The following MAP6 variants were observed in gnomAD, a reference collection of about 807,000 sequenced individuals.
The protein encoded by MAP6 is microtubule-associated protein 6.
In MAP6, 26 loss-of-function variants were observed where a neutral mutation model predicts 42.4. The observed-to-expected ratio is 0.61, with a 90% CI of 0.45 to 0.85. The LOEUF (loss-of-function observed/expected upper bound fraction) is 0.85, where lower values mean the gene tolerates loss of function less well. MAP6 is among the 40% of genes least tolerant of loss of function. MAP6 has a pLI of 0.00. For synonymous variants in MAP6, 418 were observed against 443.8 expected (o/e 0.94, Z 0.73); for missense variants, 966 against 1,099.0 (o/e 0.88, Z 1.71).
At chr11:75,598,690 C>G (rs144814010) in intron 3 of MAP6, among the ~76,000 whole-genome samples, 139 of 152,374 alleles carry the variant, frequency 9.1e-4, no homozygotes, top group African/African-American at 3.3e-3. Flanking sequence ...TTCACTCACT[C>G]ATTTTTCATT....
chr11:75,596,016 G>C (rs1942573139), intron 3 of MAP6: 1 of 152,188 alleles, frequency 6.6e-6, no homozygotes, highest in Admixed American at 6.5e-5. Flanking sequence ...GCTCATACAA[G>C]ATCAAATTCT....
At chr11:75,631,825 G>A (rs1252711332) in intron 1 of MAP6, among the ~76,000 whole-genome samples, 1 of 152,162 alleles carries the variant, frequency 6.6e-6, no homozygotes, top group African/African-American at 2.4e-5. Context: ...ATAGGCACTG[G>A]GTGTACAAAT....
At chr11:75,627,462 G>T (rs550195864) in intron 1 of MAP6, among the ~76,000 whole-genome samples, 1 of 152,210 alleles carries the variant, frequency 6.6e-6, no homozygotes, top group African/African-American at 2.4e-5. Context: ...TTGCACGTAC[G>T]TCCATGTCTG....
At chr11:75,618,910 G>A (rs925599780) in intron 1 of MAP6, among the ~76,000 whole-genome samples, 9 of 152,194 alleles carry the variant, frequency 5.9e-5, no homozygotes, top group South Asian at 4.1e-4. Flanking sequence ...TGCCCGATTC[G>A]TGAGCCTTCT....
chr11:75,661,641 A>G (rs1565283160), intron 1 of MAP6, among the ~76,000 whole-genome samples: 2 of 152,112 alleles, frequency 1.3e-5, no homozygotes, highest in South Asian at 4.1e-4. Flanking sequence ...CAACAGCCAA[A>G]CTAATTTTTA....
chr11:75,648,129 C>G (rs1394536509), intron 1 of MAP6, among the ~76,000 whole-genome samples: 5 of 152,336 alleles, frequency 3.3e-5, no homozygotes, highest in African/African-American at 7.2e-5. Context: ...AAATTGTACT[C>G]TATCTCACAC....
chr11:75,642,263 C>G (rs1943483989), intron 1 of MAP6, among the ~76,000 whole-genome samples: 1 of 152,148 alleles, frequency 6.6e-6, no homozygotes, highest in South Asian at 2.1e-4. Context: ...CCCTGGAAAT[C>G]AGCAAATGTT....
chr11:75,627,159 G>C (rs539944087), intron 1 of MAP6, among the ~76,000 whole-genome samples: 1 of 152,334 alleles, frequency 6.6e-6, no homozygotes, highest in East Asian at 1.9e-4. Flanking sequence ...TCATCTTCAT[G>C]CTTGTAATCA....
intron 3 of MAP6, among the ~76,000 whole-genome samples, chr11:75,601,444 G>T (rs780823075): frequency 1.8e-4 from 28 of 151,990 alleles, no homozygotes; most frequent in Non-Finnish European, 7.4e-5. Context: ...TAGACAGGTG[G>T]GTGGGATGTT....
In MAP6 at chr11:75,608,145, G is replaced by A. The variant is rs1464660467; in HGVS notation, c.1083C>T (p.Arg361=). ...CCTTGAAGGGTTCGCTGTAGAGGCTGCGTATTCTTCTGCGATCAATGACCT... is the reference window on the plus strand; with the variant it reads ...CCTTGAAGGGTTCGCTGTAGAGGCTACGTATTCTTCTGCGATCAATGACCT... The part of the protein sequence containing the change: ...DNKVIDRRRI[R]SLYSEPFKEP... Residue 361 remains arginine, a synonymous_variant, in exon 2 of 4, where the codon CGC becomes CGT. Transcript: ENST00000304771. The A allele has an allele frequency of 6.2e-7, 1 of 1,614,162 alleles. No homozygotes were observed. Among genetic ancestry groups the A allele is most frequent in the Non-Finnish European group, 8.5e-7 (1 of 1,180,044 alleles).
At chr11:75,597,964 A>G (rs1942610718) in intron 3 of MAP6, among the ~76,000 whole-genome samples, 1 of 152,174 alleles carries the variant, frequency 6.6e-6, no homozygotes, top group Non-Finnish European at 1.5e-5. Context: ...CCATAACATG[A>G]GCTATTGGCG....
rs777777280 is a variant in MAP6, at chr11:75,587,458, C to T, written c.2043G>A (p.Lys681=). The T allele has an allele frequency of 6.2e-7, 1 of 1,614,174 alleles. No individual in the cohort carries two copies. Among genetic ancestry groups the T allele is most frequent in the East Asian group, 2.2e-5 (1 of 44,892 alleles). Residue 681 remains lysine, a synonymous_variant, in exon 4 of 4, where the codon AAG becomes AAA. Transcript: ENST00000304771. ...GCTCTGGGACTACAACATCTTGATC[C>T]TTGACTGGCCCTGAGACCACTAAAC... ...NQGLVVSGPV[K]DQDVVVPEHA...
In MAP6 at chr11:75,668,064, G is replaced by T; in HGVS notation, c.306C>A (p.Ser102Arg). Reference protein sequence around the residue: ...EREPAAGPGRSGPGPGLGSGS... With the variant: ...EREPAAGPGRRGPGPGLGSGS... Reference sequence around the variant, plus strand: ...CGGAGCCCAGGCCCGGGCCCGGCCCGCTCCGGCCGGGGCCCGCCGCCGGCT... The same window carrying T: ...CGGAGCCCAGGCCCGGGCCCGGCCCTCTCCGGCCGGGGCCCGCCGCCGGCT... Residue 102 changes from serine to arginine, a missense_variant, in exon 1 of 4, where the codon AGC becomes AGA. Coordinates refer to ENST00000304771, the MANE Select transcript of MAP6 (RefSeq NM_033063.2). The T allele has an allele frequency of 8.1e-7, 1 of 1,227,278 alleles. No individual in the cohort carries two copies. The highest frequency in any genetic ancestry group is 1.0e-6 in the Non-Finnish European group (1 of 987,672). The allele number at this position is 1,227,278 out of a possible 1,614,324, so 76.0% of individuals were successfully genotyped here. A position where few individuals can be genotyped will look rare whatever the true frequency, so the allele number is the denominator to read the frequency against.
intron 1 of MAP6, among the ~76,000 whole-genome samples, chr11:75,622,554 T>C (rs998196916): frequency 3.3e-5 from 5 of 152,236 alleles, no homozygotes; most frequent in Non-Finnish European, 7.3e-5. Flanking sequence ...ATGGCAACTC[T>C]CTAGAAATTG....
At chr11:75,595,256 C>G (rs770125571) in intron 3 of MAP6, among the ~76,000 whole-genome samples, 1 of 152,234 alleles carries the variant, frequency 6.6e-6, no homozygotes, top group Non-Finnish European at 1.5e-5. Flanking sequence ...CTTCCTATCT[C>G]TGCACTGATC....
intron 3 of MAP6, among the ~76,000 whole-genome samples, chr11:75,591,549 T>C (rs939259897): frequency 6.6e-6 from 1 of 152,214 alleles, no homozygotes; most frequent in Non-Finnish European, 1.5e-5. Flanking sequence ...GGTTCGTGGC[T>C]TGGGGAGCAG....
rs11548115 is a variant in MAP6, at chr11:75,605,554, A to G, written c.1316+254T>C. On this transcript the variant is annotated intron_variant, in intron 3 of 3. Coordinates refer to ENST00000304771, the MANE Select transcript of MAP6 (RefSeq NM_033063.2). ...CAGCATGCAGTCAGAGTGCCAGGGG[A>G]GGGCACAGCCAGCGGCAACGCTTCC... is the stretch of plus-strand genomic sequence containing the variant. 2.4e-3 allele frequency: 3,062 copies of G among 1,275,726 alleles called. 76 individuals are homozygous for G. The African/African-American group carries it at 0.042, about 18-fold the overall frequency. The allele number at this position is 1,275,726 out of a possible 1,614,324, so 79.0% of individuals were successfully genotyped here. A position where few individuals can be genotyped will look rare whatever the true frequency, so the allele number is the denominator to read the frequency against.
chr11:75,665,702 T>A lies in MAP6; in HGVS notation c.905+1763A>T, dbSNP rs141682524. On this transcript the variant is annotated intron_variant, in intron 1 of 3. Coordinates refer to ENST00000304771, the MANE Select transcript of MAP6 (RefSeq NM_033063.2). ...GTTTTTTATGTCTCCTGCTTATTTG[T>A]TTCCCCTCTTTTCTTTTGCTCCCCG... 3.3e-3 allele frequency among the ~76,000 whole-genome samples: 506 copies of A among 152,336 alleles called. 4 individuals are homozygous for A. The highest frequency in any genetic ancestry group is 0.012 in the African/African-American group (490 of 41,558).
chr11:75,607,014 T>G (rs1427911780), intron 2 of MAP6, among the ~76,000 whole-genome samples: 1 of 152,230 alleles, frequency 6.6e-6, no homozygotes, highest in Non-Finnish European at 1.5e-5. Context: ...ACACCATCTC[T>G]GGATGGACAG....
Sources: allele counts gnomAD v4.1 joint callset (sites outside exome capture counted in the v4.1 genomes callset), GRCh38; gene constraint gnomAD v4.1.1; transcripts MANE v1.5; gene names NCBI Gene and HGNC (gene_info 2026-07-23, HGNC 2026-07-21).